FAR1: variants seen among roughly 807,000 people sequenced by gnomAD.
FAR1 encodes fatty acyl-CoA reductase 1.
Under a neutral mutation model 61.1 loss-of-function variants are expected in FAR1, and 22 were observed. The observed-to-expected ratio is 0.36, with a 90% CI of 0.26 to 0.51. The LOEUF (loss-of-function observed/expected upper bound fraction) is 0.51, where lower values mean the gene tolerates loss of function less well. Ranked by LOEUF, FAR1 falls within the 20% of genes least tolerant of loss-of-function variation. The probability of loss-of-function intolerance (pLI) is 0.95; values close to 1 mark genes in which losing one functional copy is unlikely to be tolerated. For missense variants in FAR1, 359 were observed against 626.9 expected, an observed-to-expected ratio of 0.57 and a Z score of 4.56; for synonymous variants, 206 against 209.7, an observed-to-expected ratio of 0.98 and a Z score of 0.15.
intron 8 of FAR1, among the ~76,000 whole-genome samples, chr11:13,713,893 G>GT (rs984426860): frequency 6.6e-6 from 1 of 151,884 alleles, no homozygotes; most frequent in Admixed American, 6.6e-5. Context: ...AATGAGTTAG[G>GT]TTTTTTTGTA....
chr11:13,695,330 T>A (rs143922828), intron 2 of FAR1, among the ~76,000 whole-genome samples: 225 of 152,254 alleles, frequency 1.5e-3, no homozygotes, highest in African/African-American at 5.2e-3. Context: ...TATGCTTTGA[T>A]AAAATTTATA....
chr11:13,674,178 G>A (rs984148107), intron 1 of FAR1, among the ~76,000 whole-genome samples: 19 of 151,692 alleles, frequency 1.3e-4, no homozygotes, highest in African/African-American at 2.7e-4. Context: ...GCGTGGTGGC[G>A]CCCACCTGTA....
chr11:13,711,766 A>G lies in FAR1; in HGVS notation c.726A>G (p.Gly242=), dbSNP rs1290119877. The G allele has an allele frequency of 1.3e-6, 2 of 1,596,658 alleles. No individual in the cohort carries two copies. The highest frequency in any genetic ancestry group is 1.7e-6 in the Non-Finnish European group (2 of 1,172,224). Residue 242 remains glycine, a splice_region_variant and synonymous_variant, in exon 6 of 12, where the codon GGA becomes GGG. Coordinates refer to ENST00000354817, the MANE Select transcript of FAR1 (RefSeq NM_032228.6). ...VGASWKEPFP[G]WIDNFNGPSG... ...CCTTTTAAAATTTTTGGTATTAGGG[A>G]TGGATTGATAACTTTAATGGACCAA...
chr11:13,684,766 A>G lies in FAR1; in HGVS notation c.-7-9993A>G, dbSNP rs572591808. 1.2e-4 allele frequency among the ~76,000 whole-genome samples: 18 copies of G among 152,338 alleles called. No individual in the cohort carries two copies. In the East Asian group the frequency reaches 3.5e-3, roughly 29 times the overall value. ...TTTTCACTAAACATTTAGTTTCCTA[A>G]TAGCTCACTAGTCTGTGTACTTTAT... On this transcript the variant is annotated intron_variant, in intron 1 of 11. Coordinates refer to ENST00000354817, the MANE Select transcript of FAR1 (RefSeq NM_032228.6).
chr11:13,704,044 C>CAAAAA (rs55995847), intron 3 of FAR1, among the ~76,000 whole-genome samples: 2 of 79,642 alleles, frequency 2.5e-5, no homozygotes, highest in African/African-American at 5.0e-5. Flanking sequence ...AACTCCGTCT[C>CAAAAA]AAAAAAAAAA....
chr11:13,676,764 G>A (rs1848073244), intron 1 of FAR1, among the ~76,000 whole-genome samples: 1 of 152,224 alleles, frequency 6.6e-6, no homozygotes, highest in Non-Finnish European at 1.5e-5. Flanking sequence ...GCTGTGCACA[G>A]ACTGTTCGAA....
At chr11:13,670,631 A>G (rs1457230592) in intron 1 of FAR1, among the ~76,000 whole-genome samples, 1 of 151,132 alleles carries the variant, frequency 6.6e-6, no homozygotes, top group African/African-American at 2.4e-5. Context: ...TTCCACATAA[A>G]TTTTCTGGAG....
chr11:13,678,295 C>T (rs1276815188), intron 1 of FAR1, among the ~76,000 whole-genome samples: 8 of 151,992 alleles, frequency 5.3e-5, no homozygotes, highest in African/African-American at 1.9e-4. Context: ...GACTGAGTCT[C>T]GCTGTGTCGC....
chr11:13,702,808 AACTC>A (rs941577172), intron 3 of FAR1, among the ~76,000 whole-genome samples: 3 of 152,214 alleles, frequency 2.0e-5, no homozygotes, highest in African/African-American at 4.8e-5. Flanking sequence ...ATTAGGGTAA[AACTC>A]ATAAAGGGAA....
rs1362607602 is a variant in FAR1, at chr11:13,714,616, G to T, written c.1063G>T (p.Val355Leu). The part of the protein sequence containing the change: ...NHLLYHYWIA[V>L]SHKAPAFLYD... ...TCTTTTATATCATTACTGGATTGCT[G>T]TAAGCCATAAGGCCCCAGCATTCCT... Residue 355 changes from valine (V) to leucine (L), a missense_variant, in exon 9 of 12, where the codon GTA becomes TTA. By Grantham distance (32) the Val-to-Leu change is conservative. Transcript: ENST00000354817. 1 of 1,613,464 alleles carries T rather than the reference G, an allele frequency of 6.2e-7. No individual in the cohort carries two copies. The highest frequency in any genetic ancestry group is 8.5e-7 in the Non-Finnish European group (1 of 1,179,684).
intron 10 of FAR1, among the ~76,000 whole-genome samples, chr11:13,726,004 C>T (rs567560558): frequency 6.6e-6 from 1 of 151,216 alleles, no homozygotes; most frequent in South Asian, 2.1e-4. Context: ...AATTATGTTC[C>T]TTTTTGGTTT....
chr11:13,706,312 A>G (rs1848431163), intron 3 of FAR1, among the ~76,000 whole-genome samples: 1 of 152,056 alleles, frequency 6.6e-6, no homozygotes. Flanking sequence ...GATTAGAACA[A>G]GTTTTTCCTC....
intron 1 of FAR1, among the ~76,000 whole-genome samples, chr11:13,684,543 A>C (rs1435336821): frequency 2.6e-5 from 4 of 152,210 alleles, no homozygotes; most frequent in African/African-American, 9.6e-5. Flanking sequence ...TGCAGACCCA[A>C]ACAGGTAAGC....
At chr11:13,727,133 A>G (rs953105435) in intron 10 of FAR1, among the ~76,000 whole-genome samples, 9 of 151,994 alleles carry the variant, frequency 5.9e-5, no homozygotes, top group Non-Finnish European at 1.0e-4. Flanking sequence ...ACGCATCTTG[A>G]TGTCAGAAGT....
Position 13,731,618 on chromosome 11 carries a change from G to C in FAR1, c.*2844G>C, listed in dbSNP as rs1848727247. On this transcript the variant is annotated 3_prime_UTR_variant, in exon 12 of 12. Coordinates refer to ENST00000354817, the MANE Select transcript of FAR1 (RefSeq NM_032228.6). ...TTTAGGTGTACTTGTTAATTCTTAT[G>C]TCCTAATTTTATTTAATTCTGAGTT... 1 of 152,176 alleles carries C rather than the reference G, an allele frequency of 6.6e-6. No homozygotes were observed. Among genetic ancestry groups the C allele is most frequent in the Non-Finnish European group, 1.5e-5 (1 of 68,034 alleles). The allele number at this position is 152,176 out of a possible 1,614,324, so 9.4% of individuals were successfully genotyped here.
intron 1 of FAR1, among the ~76,000 whole-genome samples, chr11:13,690,517 A>C (rs571484432): frequency 2.6e-5 from 4 of 152,252 alleles, no homozygotes; most frequent in Admixed American, 2.0e-4. Context: ...TCACATTTAG[A>C]TCTCCAGTTT....
chr11:13,711,369 C>T (rs1296252657), intron 5 of FAR1, among the ~76,000 whole-genome samples: 1 of 152,094 alleles, frequency 6.6e-6, no homozygotes, highest in Non-Finnish European at 1.5e-5. Flanking sequence ...TTCTATTTTT[C>T]TCTGTTTTAT....
chr11:13,683,473 A>G (rs949022122), intron 1 of FAR1, among the ~76,000 whole-genome samples: 5 of 151,920 alleles, frequency 3.3e-5, no homozygotes, highest in Admixed American at 2.6e-4. Flanking sequence ...AAAAAAACAT[A>G]GATGAAATAC....
chr11:13,680,002 A>C (rs539815383), intron 1 of FAR1, among the ~76,000 whole-genome samples: 1 of 152,282 alleles, frequency 6.6e-6, no homozygotes, highest in African/African-American at 2.4e-5. Context: ...GTGCTTGTGT[A>C]GGCAAACAAA....
Sources: gnomAD v4.1 joint callset for allele counts (sites outside exome capture counted in the v4.1 genomes callset) on GRCh38, gnomAD v4.1.1 for gene constraint, MANE v1.5 for transcripts, NCBI Gene and HGNC (gene_info 2026-07-23, HGNC 2026-07-21) for gene names.